The following STIM2 variants were observed in gnomAD, a reference collection of about 807,000 sequenced individuals.
The protein encoded by STIM2 is stromal interaction molecule 2.
Under a neutral mutation model 85.8 loss-of-function variants are expected in STIM2, and 31 were observed. That is an observed-to-expected ratio of 0.36 (90% confidence interval 0.27 to 0.49). STIM2 has a LOEUF of 0.49. Ranked by LOEUF, STIM2 falls within the 20% of genes least tolerant of loss-of-function variation. The pLI is 0.98. For missense variants in STIM2, 841 were observed against 927.6 expected (o/e 0.91, Z 1.21); for synonymous variants, 356 against 331.1 (o/e 1.08, Z -0.82).
At chr4:26,884,416 A>G (rs1723135192) in intron 1 of STIM2, among the ~76,000 whole-genome samples, 1 of 152,232 alleles carries the variant, frequency 6.6e-6, no homozygotes, top group Admixed American at 6.5e-5. Flanking sequence ...AAAATCCTAC[A>G]GTTTCCTTCT....
At chr4:26,879,307 A>G (rs1269052756) in intron 1 of STIM2, among the ~76,000 whole-genome samples, 1 of 151,852 alleles carries the variant, frequency 6.6e-6, no homozygotes, top group Admixed American at 6.6e-5. Context: ...TGATTTCACA[A>G]TCTAATGGTT....
intron 11 of STIM2, among the ~76,000 whole-genome samples, chr4:27,020,320 C>T (rs1728868451): frequency 6.6e-6 from 1 of 152,346 alleles, no homozygotes; most frequent in Non-Finnish European, 1.5e-5. Context: ...GTGATATATT[C>T]TGTTCAATTA....
chr4:26,947,414 A>T (rs1057318876), intron 2 of STIM2, among the ~76,000 whole-genome samples: 1 of 152,230 alleles, frequency 6.6e-6, no homozygotes, highest in African/African-American at 2.4e-5. Flanking sequence ...TATATATATA[A>T]AATGATAAAG....
At chr4:27,021,144 C>T (rs1728895733) in intron 11 of STIM2, 3 of 1,333,808 alleles carry the variant, frequency 2.2e-6, no homozygotes, top group Non-Finnish European at 3.1e-6. Flanking sequence ...TCCATTCATT[C>T]ATCCAACACA....
chr4:26,903,497 T>G (rs564036530), intron 1 of STIM2, among the ~76,000 whole-genome samples: 1 of 152,330 alleles, frequency 6.6e-6, no homozygotes, highest in African/African-American at 2.4e-5. Flanking sequence ...TTTTACTTAT[T>G]TGCTTGTTTC....
At chr4:26,923,473 T>C (rs1724888672) in intron 2 of STIM2, among the ~76,000 whole-genome samples, 1 of 148,236 alleles carries the variant, frequency 6.7e-6, no homozygotes, top group Non-Finnish European at 1.5e-5. Flanking sequence ...GACAAGCAAA[T>C]GCTGAGAGAT....
intron 3 of STIM2, among the ~76,000 whole-genome samples, chr4:26,970,247 G>A (rs111687981): frequency 0.26 from 6,247 of 24,108 alleles, 345 homozygotes; most frequent in African/African-American, 0.32. Flanking sequence ...ATATATATAT[G>A]TATGTATTTT....
chr4:26,970,766 G>A (rs1419395868), intron 3 of STIM2, among the ~76,000 whole-genome samples: 1 of 152,148 alleles, frequency 6.6e-6, no homozygotes, highest in Non-Finnish European at 1.5e-5. Flanking sequence ...CCAGTAATGG[G>A]ATGGCTGGGT....
Position 26,904,340 on chromosome 4 carries a change from A to G in STIM2, c.152-15164A>G, listed in dbSNP as rs529639066. On this transcript the variant is annotated intron_variant, in intron 1 of 11. Coordinates refer to ENST00000467087, the MANE Select transcript of STIM2 (RefSeq NM_020860.4). ...ATTTGCTAAGTGTCAATATATGTAT[A>G]TACTCATGAAGCCATCACCATAGTC... 2.6e-5 allele frequency among the ~76,000 whole-genome samples: 4 copies of G among 152,282 alleles called. No individual in the cohort carries two copies. The South Asian group carries it at 6.2e-4, about 24-fold the overall frequency.
intron 1 of STIM2, among the ~76,000 whole-genome samples, chr4:26,909,399 G>A (rs1261645792): frequency 3.3e-5 from 5 of 152,220 alleles, no homozygotes; most frequent in Non-Finnish European, 7.3e-5. Context: ...AAGTTATATA[G>A]TAAGTGGCAG....
chr4:26,892,521 A>T (rs998894007), intron 1 of STIM2, among the ~76,000 whole-genome samples: 1 of 151,966 alleles, frequency 6.6e-6, no homozygotes, highest in Non-Finnish European at 1.5e-5. Flanking sequence ...TAACATATGA[A>T]TTTTTTTGGG....
At chr4:27,007,420 A>T (rs1279847386) in intron 7 of STIM2, 113 bp from the exon 8 acceptor site, 1 of 721,188 alleles carries the variant, frequency 1.4e-6, no homozygotes, top group East Asian at 3.0e-5. Flanking sequence ...CGATGTTTAC[A>T]AAGAGCATAA....
At chr4:26,880,071 TTATGA>T in intron 1 of STIM2, among the ~76,000 whole-genome samples, 1 of 152,252 alleles carries the variant, frequency 6.6e-6, no homozygotes, top group East Asian at 1.9e-4. Context: ...GCTTATGTAA[TTATGA>T]TAGAATAGAA....
chr4:26,898,194 A>C (rs1217167471), intron 1 of STIM2, among the ~76,000 whole-genome samples: 1 of 152,190 alleles, frequency 6.6e-6, no homozygotes, highest in African/African-American at 2.4e-5. Context: ...CTTCTGGACT[A>C]ATTTGGATTT....
chr4:27,000,619 A>G (rs778536553), intron 5 of STIM2, among the ~76,000 whole-genome samples: 13 of 152,228 alleles, frequency 8.5e-5, no homozygotes, highest in Non-Finnish European at 1.9e-4. Flanking sequence ...TTATATTACC[A>G]AGTCATTTGA....
chr4:27,022,179 A>G (rs115080703), intron 11 of STIM2, among the ~76,000 whole-genome samples: 1 of 152,234 alleles, frequency 6.6e-6, no homozygotes, highest in Non-Finnish European at 1.5e-5. Flanking sequence ...AAAGAAAAAT[A>G]GTATTGAAAC....
intron 1 of STIM2, chr4:26,874,243 G>C: frequency 2.3e-6 from 1 of 432,942 alleles, no homozygotes; most frequent in Non-Finnish European, 4.6e-6. Context: ...GGGGTCTCCT[G>C]GATGGCTGGC....
At position 27,011,385 on chromosome 4, in the gene STIM2, C is replaced by A. The variant is rs976513025; in HGVS notation, c.1489+2383C>A. On this transcript the variant is annotated intron_variant, in intron 10 of 11. Transcript: ENST00000467087. ...TGTATTTAAAAATCCATAGTTTATC[C>A]GTTTTTCTACTTTCTACTTTCTTGG... is the stretch of plus-strand genomic sequence containing the variant. 1.3e-5 allele frequency among the ~76,000 whole-genome samples: 2 copies of A among 152,072 alleles called. 1 individual carries two copies. Among genetic ancestry groups the A allele is most frequent in the Admixed American group, 1.3e-4 (2 of 15,266 alleles).
chr4:26,990,831 G>T (rs1727742425), intron 3 of STIM2, among the ~76,000 whole-genome samples: 1 of 152,086 alleles, frequency 6.6e-6, no homozygotes, highest in Non-Finnish European at 1.5e-5. Context: ...ACGAAAAAAT[G>T]TTCAGCATCA....
Sources: allele counts gnomAD v4.1 joint callset (sites outside exome capture counted in the v4.1 genomes callset), GRCh38; gene constraint gnomAD v4.1.1; transcripts MANE v1.5; gene names NCBI Gene and HGNC (gene_info 2026-07-23, HGNC 2026-07-21).